The following NAALADL2 variants were observed in gnomAD, a reference collection of about 807,000 sequenced individuals.
The protein encoded by NAALADL2 is N-acetylated alpha-linked acidic dipeptidase like 2, also known as inactive N-acetylated-alpha-linked acidic dipeptidase-like protein 2.
A neutral mutation model predicts 87.2 loss-of-function variants in NAALADL2; 76 were observed. The ratio of observed to expected loss-of-function variants is 0.87; its 90% confidence interval spans 0.72 to 1.05. The LOEUF (loss-of-function observed/expected upper bound fraction) is 1.05, where lower values mean the gene tolerates loss of function less well. Among genes scored for constraint, NAALADL2 ranks in the 50% least tolerant of loss-of-function variants. NAALADL2 has a pLI of 0.00. For missense variants in NAALADL2, 1,089 were observed against 945.8 expected (o/e 1.15, Z -1.99); for synonymous variants, 354 against 331.0 (o/e 1.07, Z -0.75).
At position 175,473,333 on chromosome 3, in the gene NAALADL2, A is replaced by G. The variant is rs560028949; in HGVS notation, c.1653+1575A>G. On this transcript the variant is annotated intron_variant, in intron 9 of 13. Transcript: ENST00000454872. ...TTGGAAGAGGAATCTTTTCTGTTCT[A>G]TAATTGAAAATGTTTGCACACTAAC... 3.0e-3 allele frequency among the ~76,000 whole-genome samples: 461 copies of G among 152,132 alleles called. 2 individuals carry two copies. Among genetic ancestry groups the G allele is most frequent in the African/African-American group, 0.01 (434 of 41,554 alleles).
chr3:174,976,807 C>G (rs1044596438), intron 1 of NAALADL2, among the ~76,000 whole-genome samples: 2 of 152,142 alleles, frequency 1.3e-5, no homozygotes, highest in Non-Finnish European at 2.9e-5. Flanking sequence ...TTTTCCAGTA[C>G]CAATGATGAC....
intron 2 of NAALADL2, among the ~76,000 whole-genome samples, chr3:175,114,610 C>A (rs946109740): frequency 5.3e-5 from 8 of 151,648 alleles, no homozygotes; most frequent in African/African-American, 1.9e-4. Context: ...TTACTAATCA[C>A]CAAGTGGCAA....
chr3:175,479,045 T>A (rs1431467561), intron 9 of NAALADL2, among the ~76,000 whole-genome samples: 1 of 151,818 alleles, frequency 6.6e-6, no homozygotes, highest in African/African-American at 2.4e-5. Context: ...ATTTAAACAG[T>A]TTTTTGCTGA....
intron 2 of NAALADL2, among the ~76,000 whole-genome samples, chr3:175,168,093 G>A (rs1376870843): frequency 1.3e-5 from 2 of 151,684 alleles, no homozygotes; most frequent in African/African-American, 2.4e-5. Flanking sequence ...TGGTATATGT[G>A]GGGGAAACAA....
At chr3:174,924,099 A>C (rs1413007672) in intron 1 of NAALADL2, among the ~76,000 whole-genome samples, 1 of 152,140 alleles carries the variant, frequency 6.6e-6, no homozygotes, top group East Asian at 1.9e-4. Flanking sequence ...TCTAGGGTAC[A>C]TGTACACAAC....
intron 9 of NAALADL2, among the ~76,000 whole-genome samples, chr3:175,537,969 A>T (rs1711560573): frequency 6.6e-6 from 1 of 152,188 alleles, no homozygotes; most frequent in African/African-American, 2.4e-5. Context: ...ACAAATTTAA[A>T]CTGGCAAGGA....
intron 11 of NAALADL2, among the ~76,000 whole-genome samples, chr3:175,713,576 A>G (rs907248841): frequency 6.6e-6 from 1 of 152,132 alleles, no homozygotes; most frequent in Admixed American, 6.6e-5. Context: ...AAATTTTAGA[A>G]TATCAAGTAC....
At chr3:175,760,795 A>G (rs1247384896) in intron 13 of NAALADL2, among the ~76,000 whole-genome samples, 1 of 152,174 alleles carries the variant, frequency 6.6e-6, no homozygotes, top group African/African-American at 2.4e-5. Context: ...TTATTACTCT[A>G]CAAAGGCAGA....
chr3:174,894,329 G>A (rs926223876), intron 1 of NAALADL2, among the ~76,000 whole-genome samples: 15 of 152,074 alleles, frequency 9.9e-5, no homozygotes, highest in African/African-American at 3.4e-4. Flanking sequence ...AATGGCTCAC[G>A]CCTGTAATCC....
chr3:175,164,387 A>G (rs1005607472), intron 2 of NAALADL2, among the ~76,000 whole-genome samples: 1 of 152,008 alleles, frequency 6.6e-6, no homozygotes, highest in Non-Finnish European at 1.5e-5. Flanking sequence ...AGTTTCATCA[A>G]TATTCTCTTC....
chr3:175,198,562 G>A (rs1379158773), intron 2 of NAALADL2, among the ~76,000 whole-genome samples: 1 of 151,972 alleles, frequency 6.6e-6, no homozygotes, highest in Non-Finnish European at 1.5e-5. Flanking sequence ...TATATAGTTA[G>A]TACTCTTTTC....
chr3:175,106,011 G>T (rs1723092977), intron 2 of NAALADL2, among the ~76,000 whole-genome samples: 1 of 151,952 alleles, frequency 6.6e-6, no homozygotes, highest in Non-Finnish European at 1.5e-5. Context: ...GTCTCAGTCT[G>T]GGCCATTTCT....
In NAALADL2 at chr3:174,612,459, A is replaced by G. The variant is rs1454846658; in HGVS notation, c.-115+61822A>G. On this transcript the variant is annotated intron_variant, in intron 2 of 3. Coordinates refer to the NAALADL2 transcript ENST00000434257. Reference sequence around the variant, plus strand: ...TTGAAGACTATTTTCTAGATCCTGTATGCATGATTCATTCTTTTTAATGCT... The same window carrying G: ...TTGAAGACTATTTTCTAGATCCTGTGTGCATGATTCATTCTTTTTAATGCT... Among the ~76,000 whole-genome samples, 6 of 152,014 alleles carry G rather than the reference A, an allele frequency of 3.9e-5. No individual in the cohort carries two copies. In the East Asian group the frequency reaches 5.8e-4, roughly 15 times the overall value.
chr3:175,285,938 CTA>C (rs1452616612), intron 4 of NAALADL2, among the ~76,000 whole-genome samples: 1 of 152,022 alleles, frequency 6.6e-6, no homozygotes, highest in Non-Finnish European at 1.5e-5. Context: ...CCAGAATATA[CTA>C]TGTCAAAGTG....
intron 11 of NAALADL2, among the ~76,000 whole-genome samples, chr3:175,647,128 G>A (rs1420163568): frequency 6.6e-6 from 1 of 152,046 alleles, no homozygotes; most frequent in African/African-American, 2.4e-5. Flanking sequence ...CTATTCATAT[G>A]CCATTCACCA....
intron 13 of NAALADL2, among the ~76,000 whole-genome samples, chr3:175,777,091 T>C (rs1206684085): frequency 1.3e-5 from 2 of 151,566 alleles, no homozygotes; most frequent in Non-Finnish European, 2.9e-5. Flanking sequence ...TTCTGATTGA[T>C]GAAGCTGTGA....
chr3:174,898,073 A>G (rs1419470765), intron 1 of NAALADL2, among the ~76,000 whole-genome samples: 2 of 115,812 alleles, frequency 1.7e-5, no homozygotes, highest in African/African-American at 7.2e-5. Flanking sequence ...AGATCCCGCC[A>G]CTGCACTCCA....
intron 2 of NAALADL2, among the ~76,000 whole-genome samples, chr3:174,612,226 C>CTTTGGGAA (rs1719984774): frequency 1.3e-5 from 2 of 152,040 alleles, no homozygotes; most frequent in Non-Finnish European, 2.9e-5. Context: ...ATCCTTTATC[C>CTTTGGGAA]TTGACCTTTG....
At chr3:175,056,617 C>T (rs1712240914) in intron 1 of NAALADL2, among the ~76,000 whole-genome samples, 3 of 152,094 alleles carry the variant, frequency 2.0e-5, no homozygotes, top group Admixed American at 2.0e-4. Flanking sequence ...GGTCTTATAG[C>T]CTTCAGAGCT....
Sources: gnomAD v4.1 joint callset for allele counts (sites outside exome capture counted in the v4.1 genomes callset) on GRCh38, gnomAD v4.1.1 for gene constraint, MANE v1.5 for transcripts, NCBI Gene and HGNC (gene_info 2026-07-23, HGNC 2026-07-21) for gene names.